Variants in NRG1 observed in about 807,000 individuals in gnomAD.
The protein encoded by NRG1 is pro-neuregulin-1, membrane-bound isoform.
Under a neutral mutation model 63.8 loss-of-function variants are expected in NRG1, and 18 were observed. The observed-to-expected ratio is 0.28, with a 90% CI of 0.19 to 0.42. The LOEUF (loss-of-function observed/expected upper bound fraction) is 0.42. NRG1 is among the 10% of genes least tolerant of loss of function. NRG1 has a pLI of 1.00. For missense variants in NRG1, 762 were observed against 814.7 expected (o/e 0.94, Z 0.79); for synonymous variants, 302 against 301.3 (o/e 1.00, Z -0.02).
At chr8:31,686,165 G>A (rs1291679977) in intron 1 of NRG1, among the ~76,000 whole-genome samples, 1 of 152,032 alleles carries the variant, frequency 6.6e-6, no homozygotes, top group African/African-American at 2.4e-5. Flanking sequence ...TATGAATTTT[G>A]TTTGTCAAGG....
intron 1 of NRG1, among the ~76,000 whole-genome samples, chr8:31,891,852 G>GC (rs1338857832): frequency 6.6e-6 from 1 of 152,158 alleles, no homozygotes. Context: ...ACATGCAACA[G>GC]CCTGGATGAA....
chr8:32,743,023 G>GGCT, intron 7 of NRG1: 1 of 1,195,398 alleles, frequency 8.4e-7, no homozygotes, highest in African/African-American at 1.5e-5. Flanking sequence ...ATCAAGCAGT[G>GGCT]AAATATGATA....
intron 1 of NRG1, among the ~76,000 whole-genome samples, chr8:32,415,422 G>T (rs1815743495): frequency 8.8e-6 from 1 of 113,388 alleles, no homozygotes; most frequent in South Asian, 2.9e-4. Context: ...GAAAGAGTTT[G>T]CAAAAAAAAA....
In NRG1 at chr8:31,818,741, T is replaced by C. The variant is rs117526081; in HGVS notation, c.37+179310T>C. ...CCGGTACCAGTCAGTAAGCTGGGAG[T>C]TGGGGACCCGTGTTCCACATGTTAT... On this transcript the variant is annotated intron_variant, in intron 1 of 10. Transcript: ENST00000519301. 7.9e-5 allele frequency among the ~76,000 whole-genome samples: 12 copies of C among 151,978 alleles called. No individual in the cohort carries two copies. In the East Asian group the frequency reaches 2.3e-3, roughly 30 times the overall value.
chr8:32,355,068 C>T lies in NRG1; in HGVS notation c.38-240760C>T, dbSNP rs117685629. On this transcript the variant is annotated intron_variant, in intron 1 of 10. Coordinates refer to the NRG1 transcript ENST00000519301. Reference sequence around the variant, plus strand: ...CTTGAATGGAAAAAGATTTTCCAAGCGTAAATACAAAGAAAAATTTATATA... The same window carrying T: ...CTTGAATGGAAAAAGATTTTCCAAGTGTAAATACAAAGAAAAATTTATATA... Among the ~76,000 whole-genome samples the T allele has an allele frequency of 1.7e-3, 258 of 151,862 alleles. 2 individuals carry two copies. Among genetic ancestry groups the T allele is most frequent in the Non-Finnish European group, 1.3e-3 (90 of 67,968 alleles).
chr8:32,533,476 A>C (rs1490071623), intron 1 of NRG1, among the ~76,000 whole-genome samples: 1 of 152,052 alleles, frequency 6.6e-6, no homozygotes, highest in East Asian at 1.9e-4. Context: ...TACCTCAACT[A>C]TATGTTATTT....
intron 1 of NRG1, among the ~76,000 whole-genome samples, chr8:31,783,111 T>C (rs1819849232): frequency 6.6e-6 from 1 of 152,292 alleles, no homozygotes; most frequent in Non-Finnish European, 1.5e-5. Flanking sequence ...GGAGAATTTC[T>C]TTTTCTGAGG....
intron 1 of NRG1, among the ~76,000 whole-genome samples, chr8:32,353,029 T>A (rs2129479953): frequency 6.6e-6 from 1 of 150,650 alleles, no homozygotes; most frequent in East Asian, 1.9e-4. Context: ...AACATTATTC[T>A]GATTTTAAAA....
chr8:31,640,356 G>C lies in NRG1; in HGVS notation c.37+925G>C. On this transcript the variant is annotated intron_variant, in intron 1 of 10. Coordinates refer to the NRG1 transcript ENST00000519301. This position sits in a 1 kb window ranked among gnomAD's most constrained non-coding sequence, Gnocchi z 6.3. ...AGCCGCCAGCCGCGGGCCCACGGGC[G>C]CTGGGGCCGCCCGCCGAGGAGCCGC... The C allele has an allele frequency of 8.1e-7, 1 of 1,233,918 alleles. No individual in the cohort carries two copies. Among genetic ancestry groups the C allele is most frequent in the Non-Finnish European group, 1.0e-6 (1 of 988,188 alleles). The allele number at this position is 1,233,918 out of a possible 1,614,324, so 76.4% of individuals were successfully genotyped here.
intron 1 of NRG1, among the ~76,000 whole-genome samples, chr8:32,235,518 A>G (rs1057085404): frequency 6.6e-6 from 1 of 152,126 alleles, no homozygotes. Flanking sequence ...TCTTCTTATA[A>G]AAAAATACAA....
At chr8:32,145,715 A>T (rs534329002) in intron 1 of NRG1, among the ~76,000 whole-genome samples, 32 of 152,360 alleles carry the variant, frequency 2.1e-4, no homozygotes, top group African/African-American at 7.5e-4. Context: ...TTTAGATGAC[A>T]TTAGCCATCA....
chr8:32,235,162 G>C (rs1388851363), intron 1 of NRG1, among the ~76,000 whole-genome samples: 2 of 148,730 alleles, frequency 1.3e-5, no homozygotes. Flanking sequence ...GGGAGGCCAA[G>C]GCAGGAGGAT....
At chr8:32,474,474 G>T (rs1824231069) in intron 1 of NRG1, among the ~76,000 whole-genome samples, 1 of 88,250 alleles carries the variant, frequency 1.1e-5, no homozygotes. Context: ...TTCTGCCTTG[G>T]ACTGCTCTCA....
chr8:32,023,453 C>G (rs576943551), intron 1 of NRG1, among the ~76,000 whole-genome samples: 18 of 152,188 alleles, frequency 1.2e-4, no homozygotes, highest in Non-Finnish European at 2.2e-4. Flanking sequence ...TGATGAACGA[C>G]TCTGCATTGG....
chr8:32,760,809 G>T (rs961763563), intron 11 of NRG1: 24 of 1,018,442 alleles, frequency 2.4e-5, no homozygotes, highest in Non-Finnish European at 2.7e-5. Flanking sequence ...CTGATTCGGT[G>T]GTCGAGCTGG....
rs145766893 is a variant in NRG1 at position 32,533,098 on chromosome 8, A to T, written c.38-62730A>T. ...ATTTTTTTCTTTATCTTTCATAATTACGGTCCATAACACTTGGAGTAACAA... is the reference window on the plus strand; with the variant it reads ...ATTTTTTTCTTTATCTTTCATAATTTCGGTCCATAACACTTGGAGTAACAA... On this transcript the variant is annotated intron_variant, in intron 1 of 10. Coordinates refer to the NRG1 transcript ENST00000519301. Among the ~76,000 whole-genome samples, 384 of 151,986 alleles carry T rather than the reference A, an allele frequency of 2.5e-3. 2 individuals are homozygous for T. Among genetic ancestry groups the T allele is most frequent in the Non-Finnish European group, 3.2e-3 (217 of 67,822 alleles).
intron 1 of NRG1, among the ~76,000 whole-genome samples, chr8:31,793,734 A>G (rs1409856679): frequency 6.6e-6 from 1 of 152,184 alleles, no homozygotes; most frequent in Non-Finnish European, 1.5e-5. Context: ...AATATAATCC[A>G]TGGGAAGACA....
At chr8:31,848,864 A>G (rs1316503326) in intron 1 of NRG1, among the ~76,000 whole-genome samples, 1 of 152,196 alleles carries the variant, frequency 6.6e-6, no homozygotes, top group Non-Finnish European at 1.5e-5. Flanking sequence ...TCACTTCATT[A>G]TATATCACAA....
chr8:32,510,809 C>T (rs76178835), intron 1 of NRG1, among the ~76,000 whole-genome samples: 8,024 of 152,142 alleles, frequency 0.053, 284 homozygotes, highest in Middle Eastern at 0.085. Flanking sequence ...CCAGGCCATA[C>T]CCTGGGCCAT....
Sources: gnomAD v4.1 joint callset for allele counts (sites outside exome capture counted in the v4.1 genomes callset) on GRCh38, gnomAD v4.1.1 for gene constraint, Gnocchi (gnomAD v3.1) non-coding constraint, MANE v1.5 for transcripts, NCBI Gene and HGNC (gene_info 2026-07-23, HGNC 2026-07-21) for gene names.